DENND4A: variants seen among roughly 807,000 people sequenced by gnomAD.
DENND4A encodes the protein C-myc promoter-binding protein.
DENND4A carries 70 observed loss-of-function variants against 199.3 expected under a neutral mutation model. The observed-to-expected ratio is 0.35, with a 90% confidence interval of 0.29 to 0.43. The LOEUF (loss-of-function observed/expected upper bound fraction) is 0.43, where lower values mean the gene tolerates loss of function less well. Among genes scored for constraint, DENND4A ranks in the 20% least tolerant of loss-of-function variants. The pLI, the probability that DENND4A is intolerant of heterozygous loss-of-function variation, is 1.00. For synonymous variants in DENND4A, 686 were observed against 766.9 expected, an observed-to-expected ratio of 0.89 and a Z score of 1.74; for missense variants, 1,723 against 2,255.8, an observed-to-expected ratio of 0.76 and a Z score of 4.78.
At chr15:65,737,334 T>C (rs991597183) in intron 7 of DENND4A, among the ~76,000 whole-genome samples, 45 of 152,288 alleles carry the variant, frequency 3.0e-4, no homozygotes, top group African/African-American at 9.4e-4. Context: ...GCTGAGATTA[T>C]GGGCGTGAAC....
rs2074834754 is a variant in DENND4A, at chr15:65,700,648, C to G, written c.2729G>C (p.Ser910Thr). ...ATGACCACTATCCATGCTGCCATGACTAACAGCATCCAGGTCACTGCCATC... is the reference window on the plus strand; with the variant it reads ...ATGACCACTATCCATGCTGCCATGAGTAACAGCATCCAGGTCACTGCCATC... ...SADGSDLDAV[S>T]HGSMDSGHGT... Residue 910 changes from serine to threonine, a missense_variant, in exon 20 of 33, where the codon AGT becomes ACT. Physicochemically the swap from Ser to Thr is moderately conservative, Grantham distance 58. Around this residue, in one of 6 missense-constraint regions of DENND4A, gnomAD observed 650 missense variants for 738.1 expected, o/e 0.88. Transcript: ENST00000443035. The G allele has an allele frequency of 6.5e-7, 1 of 1,544,404 alleles. No individual in the cohort carries two copies. The highest frequency in any genetic ancestry group is 1.4e-5 in the African/African-American group (1 of 72,754).
chr15:65,753,996 C>G (rs1051194948), intron 3 of DENND4A: 1 of 151,920 alleles, frequency 6.6e-6, no homozygotes, highest in Non-Finnish European at 1.5e-5. Context: ...CACTACACCA[C>G]ACTAAGTTTG....
intron 15 of DENND4A, among the ~76,000 whole-genome samples, chr15:65,705,092 T>C (rs2075005463): frequency 6.6e-6 from 1 of 152,118 alleles, no homozygotes; most frequent in Non-Finnish European, 1.5e-5. Flanking sequence ...ATTTTAAATA[T>C]CTTTGACAGA....
chr15:65,748,158 G>C (rs1254127439), intron 4 of DENND4A, among the ~76,000 whole-genome samples: 1 of 150,716 alleles, frequency 6.6e-6, no homozygotes, highest in Non-Finnish European at 1.5e-5. Context: ...ATGTTGAAAT[G>C]CGTATAAAAT....
chr15:65,717,393 G>A (rs906648671), intron 13 of DENND4A, among the ~76,000 whole-genome samples: 1 of 152,216 alleles, frequency 6.6e-6, no homozygotes, highest in South Asian at 2.1e-4. Flanking sequence ...GAAAATATTT[G>A]TAAAGTATAC....
intron 23 of DENND4A, among the ~76,000 whole-genome samples, 165 bp from the exon 24 acceptor site, chr15:65,676,799 C>T (rs900376164): frequency 3.3e-5 from 5 of 152,136 alleles, no homozygotes; most frequent in Non-Finnish European, 7.4e-5. Context: ...CAAAGGCATG[C>T]TAATTTGGAC....
intron 14 of DENND4A, among the ~76,000 whole-genome samples, chr15:65,711,259 C>A (rs78388377): frequency 6.6e-6 from 1 of 152,078 alleles, no homozygotes; most frequent in Non-Finnish European, 1.5e-5. Flanking sequence ...CCCAGCACTT[C>A]GGAAGACTAC....
At position 65,756,172 on chromosome 15, in the gene DENND4A, T is replaced by A. The variant is rs1376846044; in HGVS notation, c.279A>T (p.Arg93Ser). 6.2e-7 allele frequency: 1 copy of A among 1,610,508 alleles called. No homozygotes were observed. The highest frequency in any genetic ancestry group is 8.5e-7 in the Non-Finnish European group (1 of 1,178,154). The stretch of plus-strand genomic sequence containing the variant: ...CTGTAAGTGGAGGCTTATCTCTTCC[T>A]CTTCTATAGCAAAGGTAAATCTGTG... ...VGPQIYLCYR[R>S]GRDKPPLTDL... is the part of the protein sequence containing the mutation. The change falls in exon 3 of 33, where the codon AGA (arginine) becomes AGT (serine). Residue 93 changes from arginine (R) to serine (S), a missense_variant. This residue lies in a region of DENND4A where 725 missense variants were observed against 952.9 expected (regional missense o/e 0.76). Coordinates refer to ENST00000443035, the MANE Select transcript of DENND4A (RefSeq NM_001320835.1).
rs757778518 is a variant in DENND4A, at chr15:65,756,328, T to C, written c.123A>G (p.Pro41=). The C allele has an allele frequency of 1.2e-6, 2 of 1,613,776 alleles. No homozygotes were observed. The highest frequency in any genetic ancestry group is 2.7e-5 in the African/African-American group (2 of 74,944). ...FNDACHKVAK[P]KEPITDVSVI... is the part of the protein sequence containing the mutation. ...CTGAAACATCTGTAATAGGTTCTTT[T>C]GGTTTAGCTACTTTATGACAAGCAT... Residue 41 remains proline (P), a synonymous_variant, in exon 3 of 33, where the codon CCA becomes CCG. Coordinates refer to ENST00000443035, the MANE Select transcript of DENND4A (RefSeq NM_001320835.1).
At chr15:65,679,694 C>T (rs1346829893) in intron 23 of DENND4A, among the ~76,000 whole-genome samples, 1 of 151,732 alleles carries the variant, frequency 6.6e-6, no homozygotes, top group Non-Finnish European at 1.5e-5. Context: ...CCACACCTGG[C>T]TAATTTTTTT....
At chr15:65,735,593 G>C (rs911471074) in intron 7 of DENND4A, among the ~76,000 whole-genome samples, 2 of 151,968 alleles carry the variant, frequency 1.3e-5, no homozygotes, top group Non-Finnish European at 2.9e-5. Context: ...TGTCAATATT[G>C]GCAGTAAATA....
chr15:65,692,083 TTGAG>T (rs2076992426), intron 22 of DENND4A, among the ~76,000 whole-genome samples: 1 of 151,738 alleles, frequency 6.6e-6, no homozygotes, highest in Admixed American at 6.6e-5. Context: ...GATTATAGGC[TTGAG>T]CCACCATGCC....
chr15:65,774,291 G>T (rs2140910077), intron 1 of DENND4A, among the ~76,000 whole-genome samples: 1 of 152,282 alleles, frequency 6.6e-6, no homozygotes, highest in South Asian at 2.1e-4. Context: ...GGGAGTTTGA[G>T]ACCAGCCTGA....
intron 12 of DENND4A, chr15:65,719,340 A>G (rs909827011): frequency 6.8e-6 from 1 of 147,328 alleles, no homozygotes; most frequent in Non-Finnish European, 1.5e-5. Context: ...TTTTTTTTTA[A>G]TATAAGTACC....
intron 1 of DENND4A, among the ~76,000 whole-genome samples, chr15:65,784,456 C>CAA (rs60657281): frequency 5.1e-4 from 71 of 138,360 alleles, no homozygotes; most frequent in South Asian, 1.4e-3. Flanking sequence ...CCATTTCTTA[C>CAA]AAAAAAAAAA....
chr15:65,717,183 A>G (rs1243025270), intron 13 of DENND4A, among the ~76,000 whole-genome samples: 1 of 151,912 alleles, frequency 6.6e-6, no homozygotes, highest in Non-Finnish European at 1.5e-5. Context: ...TCTTTTGCAT[A>G]CCACTATATA....
intron 23 of DENND4A, among the ~76,000 whole-genome samples, chr15:65,686,308 T>C (rs532537682): frequency 8.5e-5 from 13 of 152,226 alleles, no homozygotes; most frequent in African/African-American, 3.1e-4. Flanking sequence ...CTGTACTGTA[T>C]ACACTTGAAA....
chr15:65,787,428 A>G (rs2077593419), intron 1 of DENND4A, among the ~76,000 whole-genome samples: 2 of 152,176 alleles, frequency 1.3e-5, no homozygotes, highest in African/African-American at 2.4e-5. Flanking sequence ...AATTCCCTTG[A>G]TATCTTTCTA....
At chr15:65,705,978 T>C in intron 15 of DENND4A, 113 bp downstream of exon 15, 3 of 1,349,632 alleles carry the variant, frequency 2.2e-6, no homozygotes, top group Non-Finnish European at 2.9e-6. Flanking sequence ...CACCTAAAAA[T>C]TAGGGATCTG....
Sources: gnomAD v4.1 joint callset for allele counts (sites outside exome capture counted in the v4.1 genomes callset) on GRCh38, gnomAD v4.1.1 for gene constraint, gnomAD v4.1.1 regional missense constraint, MANE v1.5 for transcripts, NCBI Gene and HGNC (gene_info 2026-07-23, HGNC 2026-07-21) for gene names.